GLI3: variants seen among roughly 807,000 people sequenced by gnomAD.
The protein encoded by GLI3 is transcription activator GLI3.
A neutral mutation model predicts 100.8 loss-of-function variants in GLI3; 20 were observed. The observed-to-expected ratio is 0.20, with a 90% CI of 0.14 to 0.29. GLI3 has a LOEUF of 0.29. Among genes scored for constraint, GLI3 ranks in the 10% least tolerant of loss-of-function variants. The pLI, the probability that GLI3 is intolerant of heterozygous loss-of-function variation, is 1.00. For synonymous variants in GLI3, 938 were observed against 860.5 expected (o/e 1.09, Z -1.58); for missense variants, 2,040 against 2,128.5 (o/e 0.96, Z 0.82).
intron 4 of GLI3, among the ~76,000 whole-genome samples, chr7:42,056,390 T>C (rs1401501748): frequency 6.6e-6 from 1 of 152,090 alleles, no homozygotes; most frequent in Non-Finnish European, 1.5e-5. Flanking sequence ...GTGGCACAGC[T>C]AAAAAGCATT....
intron 10 of GLI3, among the ~76,000 whole-genome samples, chr7:41,987,488 C>T (rs1787863559): frequency 6.6e-6 from 1 of 152,132 alleles, no homozygotes; most frequent in African/African-American, 2.4e-5. Flanking sequence ...TTTTATGATA[C>T]AGTATTTTCC....
chr7:42,053,210 C>A (rs1206712373), intron 4 of GLI3, among the ~76,000 whole-genome samples: 1 of 152,158 alleles, frequency 6.6e-6, no homozygotes, highest in Non-Finnish European at 1.5e-5. Context: ...TTGATTAGGC[C>A]AGTCTTGAAC....
At chr7:42,055,103 A>G (rs1784431477) in intron 4 of GLI3, among the ~76,000 whole-genome samples, 2 of 141,454 alleles carry the variant, frequency 1.4e-5, no homozygotes, top group Admixed American at 1.4e-4. Flanking sequence ...ATACACATAT[A>G]TGTATATATA....
chr7:42,079,354 C>T (rs1187472077), intron 3 of GLI3, among the ~76,000 whole-genome samples: 1 of 152,158 alleles, frequency 6.6e-6, no homozygotes, highest in African/African-American at 2.4e-5. Context: ...ATCTTTTGCA[C>T]TCGTTTGAAA....
At chr7:42,191,689 C>T (rs1787831353) in intron 2 of GLI3, among the ~76,000 whole-genome samples, 1 of 151,442 alleles carries the variant, frequency 6.6e-6, no homozygotes, top group South Asian at 2.1e-4. Context: ...TTTTTGAACA[C>T]ATACTAACTG....
chr7:42,016,218 A>G (rs1788755819), intron 10 of GLI3, among the ~76,000 whole-genome samples: 1 of 152,204 alleles, frequency 6.6e-6, no homozygotes, highest in Non-Finnish European at 1.5e-5. Context: ...GTCAGGACAC[A>G]TGAACAGGAG....
intron 3 of GLI3, among the ~76,000 whole-genome samples, chr7:42,122,491 C>T (rs987320518): frequency 1.8e-4 from 27 of 152,186 alleles, no homozygotes; most frequent in African/African-American, 6.3e-4. Context: ...TGACAAAGTG[C>T]ATATAGGATG....
At chr7:42,147,181 G>A (rs1428871161) in intron 3 of GLI3, among the ~76,000 whole-genome samples, 1 of 152,128 alleles carries the variant, frequency 6.6e-6, no homozygotes, top group Non-Finnish European at 1.5e-5. Context: ...TCTGAGGAGT[G>A]AGCATTCCCC....
chr7:42,157,754 T>A (rs1787039008), intron 2 of GLI3, among the ~76,000 whole-genome samples: 1 of 152,212 alleles, frequency 6.6e-6, no homozygotes, highest in South Asian at 2.1e-4. Flanking sequence ...TATAATTATC[T>A]AAAGAAGTTC....
intron 10 of GLI3, among the ~76,000 whole-genome samples, chr7:42,023,007 A>G (rs890483511): frequency 2.6e-5 from 4 of 152,200 alleles, no homozygotes; most frequent in Non-Finnish European, 5.9e-5. Flanking sequence ...TAGCTCATAT[A>G]GAGTACTAAC....
intron 2 of GLI3, among the ~76,000 whole-genome samples, chr7:42,212,850 T>G (rs1233384818): frequency 1.3e-5 from 2 of 152,248 alleles, no homozygotes; most frequent in African/African-American, 4.8e-5. Flanking sequence ...CAGCATCTCT[T>G]CCCTTCCTTC....
chr7:42,077,313 T>C (rs1344632433), intron 3 of GLI3, among the ~76,000 whole-genome samples: 1 of 152,054 alleles, frequency 6.6e-6, no homozygotes, highest in East Asian at 1.9e-4. Context: ...ACCATACTTT[T>C]AAGAGTGAAA....
At chr7:41,969,863 T>A (rs2128708623) in intron 13 of GLI3, among the ~76,000 whole-genome samples, 1 of 152,342 alleles carries the variant, frequency 6.6e-6, no homozygotes, top group Non-Finnish European at 1.5e-5. Context: ...AAGGATGAAT[T>A]TGCATTAGTC....
At chr7:42,049,062 T>A (rs1784302701) in intron 4 of GLI3, among the ~76,000 whole-genome samples, 1 of 152,100 alleles carries the variant, frequency 6.6e-6, no homozygotes, top group Admixed American at 6.5e-5. Flanking sequence ...AATATTAATG[T>A]TACCATTTAA....
At chr7:42,051,954 C>G (rs938421446) in intron 4 of GLI3, among the ~76,000 whole-genome samples, 3 of 152,286 alleles carry the variant, frequency 2.0e-5, no homozygotes, top group African/African-American at 7.2e-5. Context: ...AGCAGTCTCA[C>G]TGCCTTAAAA....
At chr7:42,124,708 C>T (rs1271825860) in intron 3 of GLI3, among the ~76,000 whole-genome samples, 1 of 152,160 alleles carries the variant, frequency 6.6e-6, no homozygotes, top group African/African-American at 2.4e-5. Context: ...CAGTGAAATG[C>T]TTTGTTCAAC....
At chr7:42,234,589 C>T in intron 1 of GLI3, among the ~76,000 whole-genome samples, 1 of 152,110 alleles carries the variant, frequency 6.6e-6, no homozygotes, top group East Asian at 1.9e-4. Flanking sequence ...GTGTTTATAT[C>T]AAGGTTCAGT....
intron 4 of GLI3, 44 bp downstream of exon 4, chr7:42,076,708 G>A: frequency 8.2e-7 from 1 of 1,213,600 alleles, no homozygotes; most frequent in South Asian, 1.2e-5. Context: ...GTAAAAGCCA[G>A]CATCTCGTTC....
chr7:42,129,618 G>A (rs916168013), intron 3 of GLI3, among the ~76,000 whole-genome samples: 1 of 152,156 alleles, frequency 6.6e-6, no homozygotes, highest in South Asian at 2.1e-4. Context: ...AGACCAGCCT[G>A]GCCAAGATGG....
Sources: allele counts gnomAD v4.1 joint callset (sites outside exome capture counted in the v4.1 genomes callset), GRCh38; gene constraint gnomAD v4.1.1; transcripts MANE v1.5; gene names NCBI Gene and HGNC (gene_info 2026-07-23, HGNC 2026-07-21).